Variants in FARS2 observed in about 807,000 individuals in gnomAD.
The protein encoded by FARS2 is phenylalanine--tRNA ligase, mitochondrial.
In FARS2, 40 loss-of-function variants were observed where a neutral mutation model predicts 46.4. The ratio of observed to expected loss-of-function variants is 0.86; its 90% CI spans 0.67 to 1.12. FARS2 has a LOEUF of 1.12. Ranked by LOEUF, FARS2 falls within the 50% of genes most tolerant of loss-of-function variation. FARS2 has a pLI of 0.00. For missense variants in FARS2, 513 were observed against 567.9 expected, an observed-to-expected ratio of 0.90 and a Z score of 0.98; for synonymous variants, 234 against 214.9, an observed-to-expected ratio of 1.09 and a Z score of -0.78.
At chr6:5,294,374 C>G (rs72815618) in intron 1 of FARS2, among the ~76,000 whole-genome samples, 2 of 151,936 alleles carry the variant, frequency 1.3e-5, no homozygotes, top group African/African-American at 2.4e-5. Flanking sequence ...TGCGTTTTTC[C>G]TCTACTCTTC....
intron 1 of FARS2, among the ~76,000 whole-genome samples, chr6:5,355,519 G>C (rs1757861626): frequency 6.6e-6 from 1 of 151,768 alleles, no homozygotes; most frequent in Non-Finnish European, 1.5e-5. Flanking sequence ...ACCATGCCCG[G>C]CTAATTTTTT....
chr6:5,417,190 G>T (rs1430827024), intron 3 of FARS2, among the ~76,000 whole-genome samples: 1 of 152,054 alleles, frequency 6.6e-6, no homozygotes, highest in Non-Finnish European at 1.5e-5. Flanking sequence ...ACTGGGAAAA[G>T]AATTCTAGAT....
chr6:5,301,145 T>A (rs1768269810), intron 1 of FARS2, among the ~76,000 whole-genome samples: 1 of 152,156 alleles, frequency 6.6e-6, no homozygotes, highest in African/African-American at 2.4e-5. Flanking sequence ...ATTTTTCTTC[T>A]CTATAATTAT....
chr6:5,555,523 G>A (rs764030185), intron 5 of FARS2, among the ~76,000 whole-genome samples: 6 of 151,976 alleles, frequency 3.9e-5, no homozygotes, highest in Non-Finnish European at 8.8e-5. Context: ...AATCTCCTTG[G>A]CTTGGAATAG....
In FARS2 at chr6:5,512,293, G is replaced by T. The variant is rs150469556; in HGVS notation, c.905-32887G>T. ...TTCTGGAATTGACTTCAGGTCCTCCGACTCCCAGGGCAATGCTCTTTCCAT... is the reference window on the plus strand; with the variant it reads ...TTCTGGAATTGACTTCAGGTCCTCCTACTCCCAGGGCAATGCTCTTTCCAT... On this transcript the variant is annotated intron_variant, in intron 4 of 6. Coordinates refer to ENST00000274680, the MANE Select transcript of FARS2 (RefSeq NM_006567.5). Among the ~76,000 whole-genome samples, 686 of 152,164 alleles carry T rather than the reference G, an allele frequency of 4.5e-3. 9 individuals are homozygous for T. Among genetic ancestry groups the T allele is most frequent in the African/African-American group, 0.015 (622 of 41,526 alleles).
intron 1 of FARS2, among the ~76,000 whole-genome samples, chr6:5,306,398 A>G (rs1342875861): frequency 6.6e-6 from 1 of 152,224 alleles, no homozygotes; most frequent in Non-Finnish European, 1.5e-5. Flanking sequence ...TGCCCTGGGA[A>G]TTGAATGATT....
chr6:5,506,704 C>G (rs912047344), intron 4 of FARS2, among the ~76,000 whole-genome samples: 1 of 152,130 alleles, frequency 6.6e-6, no homozygotes, highest in African/African-American at 2.4e-5. Flanking sequence ...GGGGAAAGAG[C>G]AGATTTAGCT....
chr6:5,431,988 T>C (rs1018926704), intron 4 of FARS2, among the ~76,000 whole-genome samples: 1 of 151,586 alleles, frequency 6.6e-6, no homozygotes, highest in African/African-American at 2.4e-5. Context: ...AAAGTTACTA[T>C]CTGAATTTAA....
chr6:5,519,076 G>A (rs1768978216), intron 4 of FARS2, among the ~76,000 whole-genome samples: 1 of 152,138 alleles, frequency 6.6e-6, no homozygotes, highest in African/African-American at 2.4e-5. Flanking sequence ...ATAACATACA[G>A]AATTCTAGAT....
intron 6 of FARS2, among the ~76,000 whole-genome samples, chr6:5,736,697 C>T (rs185648530): frequency 8.5e-5 from 13 of 152,050 alleles, no homozygotes; most frequent in Admixed American, 7.9e-4. Flanking sequence ...TGCATGTACC[C>T]CTTGCTATTT....
chr6:5,707,492 T>C (rs1758832823), intron 6 of FARS2, among the ~76,000 whole-genome samples: 1 of 152,170 alleles, frequency 6.6e-6, no homozygotes, highest in South Asian at 2.1e-4. Flanking sequence ...GCCCACAGAC[T>C]TGCTCACAGT....
At chr6:5,629,595 A>T (rs1489046251) in intron 6 of FARS2, among the ~76,000 whole-genome samples, 5 of 152,238 alleles carry the variant, frequency 3.3e-5, no homozygotes, top group African/African-American at 1.2e-4. Flanking sequence ...CCTTATAAAA[A>T]TGTGGGCTTT....
intron 1 of FARS2, among the ~76,000 whole-genome samples, chr6:5,306,779 C>A: frequency 6.6e-6 from 1 of 152,108 alleles, no homozygotes; most frequent in East Asian, 1.9e-4. Context: ...GTCTTCTGTA[C>A]AGTAACAAGT....
At chr6:5,469,425 C>A (rs1320977201) in intron 4 of FARS2, among the ~76,000 whole-genome samples, 1 of 152,220 alleles carries the variant, frequency 6.6e-6, no homozygotes, top group East Asian at 1.9e-4. Context: ...CCGCTGGATA[C>A]CTTCTTGATT....
At chr6:5,556,021 CACT>C (rs374246385) in intron 5 of FARS2, among the ~76,000 whole-genome samples, 51 of 152,196 alleles carry the variant, frequency 3.4e-4, no homozygotes, top group African/African-American at 1.2e-3. Context: ...TTTTTACCAC[CACT>C]ACTATTACTC....
intron 6 of FARS2, among the ~76,000 whole-genome samples, chr6:5,693,906 T>G (rs977560021): frequency 2.6e-5 from 4 of 152,218 alleles, no homozygotes; most frequent in African/African-American, 9.6e-5. Context: ...GAAGCTCCGC[T>G]ATCTTTGTCA....
At chr6:5,410,693 C>G (rs1353614652) in intron 3 of FARS2, among the ~76,000 whole-genome samples, 2 of 152,062 alleles carry the variant, frequency 1.3e-5, no homozygotes, top group Non-Finnish European at 2.9e-5. Context: ...GTGCTAAGCA[C>G]GTTGACAAGG....
At chr6:5,317,711 T>G (rs1395083895) in intron 1 of FARS2, among the ~76,000 whole-genome samples, 2 of 151,354 alleles carry the variant, frequency 1.3e-5, no homozygotes, top group Non-Finnish European at 2.9e-5. Flanking sequence ...GCCCAGGAGG[T>G]TGAGGCATCG....
chr6:5,429,829 A>G (rs1385182150), intron 3 of FARS2, among the ~76,000 whole-genome samples: 1 of 152,104 alleles, frequency 6.6e-6, no homozygotes, highest in Non-Finnish European at 1.5e-5. Context: ...CAAAACAAAA[A>G]AACAACAAGA....
Sources: gnomAD v4.1 joint callset for allele counts (sites outside exome capture counted in the v4.1 genomes callset) on GRCh38, gnomAD v4.1.1 for gene constraint, MANE v1.5 for transcripts, NCBI Gene and HGNC (gene_info 2026-07-23, HGNC 2026-07-21) for gene names.